NUP210: variants seen among roughly 807,000 people sequenced by gnomAD.
The protein encoded by NUP210 is nucleoporin 210, also known as nuclear pore membrane glycoprotein 210.
A neutral mutation model predicts 196.0 loss-of-function variants in NUP210; 151 were observed. The observed-to-expected ratio is 0.77, with a 90% CI of 0.67 to 0.88. NUP210 has a LOEUF of 0.88. Ranked by LOEUF, NUP210 falls within the 40% of genes least tolerant of loss-of-function variation. NUP210 has a pLI of 0.00. For missense variants in NUP210, 2,314 were observed against 2,493.7 expected (o/e 0.93, Z 1.53); for synonymous variants, 1,070 against 1,052.7 (o/e 1.02, Z -0.32).
intron 1 of NUP210, among the ~76,000 whole-genome samples, chr3:13,405,210 T>C (rs1375478850): frequency 6.6e-6 from 1 of 152,192 alleles, no homozygotes; most frequent in Non-Finnish European, 1.5e-5. Flanking sequence ...CCACCTAATG[T>C]GGGTGGGCCT....
At chr3:13,320,921 G>C (rs958639836) in intron 36 of NUP210, among the ~76,000 whole-genome samples, 1 of 149,984 alleles carries the variant, frequency 6.7e-6, no homozygotes, top group Non-Finnish European at 1.5e-5. Context: ...AAACCAACAT[G>C]AAGTATCACC....
chr3:13,419,980 C>T, intron 1 of NUP210, 80 bp downstream of exon 1: 17 of 980,860 alleles, frequency 1.7e-5, no homozygotes, highest in Non-Finnish European at 2.1e-5. Context: ...CTCTGCCGGC[C>T]TCCCGGCGCC....
rs1319402761 is a variant in NUP210 at position 13,420,131 on chromosome 3, T to C, written c.96A>G (p.Lys32=). ...SAAAAKLNIP[K]VLLPFTRATR... ...TGGCCCGCGTGAAGGGCAGCAGCAC[T>C]TTGGGGATGTTGAGCTTGGCCGCAG... The change falls in exon 1 of 40, where the codon AAA becomes AAG. Residue 32 remains lysine, a synonymous_variant. Coordinates refer to ENST00000254508, the MANE Select transcript of NUP210 (RefSeq NM_024923.4). This position sits in a 1 kb window ranked among gnomAD's most constrained non-coding sequence, Gnocchi z 4.8. The C allele has an allele frequency of 7.4e-7, 1 of 1,348,590 alleles. No homozygotes were observed. Among genetic ancestry groups the C allele is most frequent in the Admixed American group, 2.5e-5 (1 of 39,854 alleles). The allele number at this position is 1,348,590 out of a possible 1,614,324, so 83.5% of individuals were successfully genotyped here. A position where few individuals can be genotyped will look rare whatever the true frequency, so the allele number is the denominator to read the frequency against.
Position 13,399,855 on chromosome 3 carries a change from G to A in NUP210, c.174C>T (p.Ser58=), listed in dbSNP as rs777301920. The A allele has an allele frequency of 1.1e-5, 18 of 1,605,932 alleles. No individual in the cohort carries two copies. The highest frequency in any genetic ancestry group is 1.1e-4 in the South Asian group (10 of 89,642). ...EASEGCYRWL[S]TRPEVASIEP... ...CGATGCTGGCCACCTCCGGCCGGGT[G>A]GACAACCTGCAGTGGAAGAAGACAG... Residue 58 remains serine (S), a synonymous_variant, in exon 2 of 40, where the codon TCC becomes TCT. Transcript: ENST00000254508.
intron 14 of NUP210, 83 bp downstream of exon 14, chr3:13,365,863 G>A: frequency 1.4e-6 from 2 of 1,444,630 alleles, no homozygotes; most frequent in Non-Finnish European, 1.9e-6. Context: ...GGTTTATCAT[G>A]CAAATTCGTC....
chr3:13,358,156 C>A (rs1193656434), intron 16 of NUP210, 66 bp downstream of exon 16: 4 of 1,449,472 alleles, frequency 2.8e-6, no homozygotes, highest in Non-Finnish European at 3.8e-6. Flanking sequence ...ATGGGCGAGG[C>A]CACCAATGTC....
chr3:13,344,964 TG>T, intron 20 of NUP210: 2 of 985,404 alleles, frequency 2.0e-6, no homozygotes, highest in Non-Finnish European at 2.4e-6. Flanking sequence ...TCCCCTCTTC[TG>T]GGGGCTGGTC....
At chr3:13,339,702 G>T in intron 25 of NUP210, 152 bp downstream of exon 25, 1 of 695,138 alleles carries the variant, frequency 1.4e-6, no homozygotes, top group Non-Finnish European at 2.4e-6. Flanking sequence ...TGGCAGGGCT[G>T]TCCTGCACCA....
chr3:13,328,608 T>C (rs1386660471), intron 31 of NUP210, among the ~76,000 whole-genome samples, 163 bp downstream of exon 31: 1 of 152,210 alleles, frequency 6.6e-6, no homozygotes, highest in Non-Finnish European at 1.5e-5. Context: ...GGCAGTGGTG[T>C]TTCCTCGTGG....
In NUP210 at chr3:13,341,794, G is replaced by C. The variant is rs1468225275; in HGVS notation, c.3182C>G (p.Thr1061Ser). The change falls in exon 23 of 40, where the codon ACC becomes AGC. Residue 1061 changes from threonine to serine, a missense_variant. Thr to Ser is a moderately conservative substitution (Grantham distance 58). Coordinates refer to ENST00000254508, the MANE Select transcript of NUP210 (RefSeq NM_024923.4). ...IGQTSLTASV[T>S]NKAGQRINSA... ...GTTGATTCTCTGTCCAGCTTTATTG[G>C]TCACACTTGCAGTTAGACTGGTCTG... 1 of 1,614,202 alleles carries C rather than the reference G, an allele frequency of 6.2e-7. No individual in the cohort carries two copies.
chr3:13,331,400 T>C (rs1315903807), intron 29 of NUP210, among the ~76,000 whole-genome samples: 1 of 152,190 alleles, frequency 6.6e-6, no homozygotes, highest in African/African-American at 2.4e-5. Context: ...GCAAATGTTA[T>C]TGCCTCTGCC....
intron 16 of NUP210, among the ~76,000 whole-genome samples, chr3:13,356,265 C>T (rs1302804011): frequency 1.3e-5 from 2 of 152,242 alleles, no homozygotes; most frequent in Non-Finnish European, 2.9e-5. Flanking sequence ...GCAAACACAT[C>T]TTGGGTAGCC....
chr3:13,400,168 T>G (rs1393243272), intron 1 of NUP210, among the ~76,000 whole-genome samples: 1 of 152,070 alleles, frequency 6.6e-6, no homozygotes, highest in Non-Finnish European at 1.5e-5. Context: ...CGTCCAAGAC[T>G]CCTGCAGATG....
chr3:13,347,034 C>T lies in NUP210; in HGVS notation c.2836-3731G>A. 1.0e-6 allele frequency: 1 copy of T among 985,428 alleles called. No homozygotes were observed. Among genetic ancestry groups the T allele is most frequent in the Non-Finnish European group, 1.2e-6 (1 of 829,932 alleles). The allele number at this position is 985,428 out of a possible 1,614,324, so 61.0% of individuals were successfully genotyped here. A position where few individuals can be genotyped will look rare whatever the true frequency, so the allele number is the denominator to read the frequency against. On this transcript the variant is annotated intron_variant, in intron 20 of 39. Coordinates refer to ENST00000254508, the MANE Select transcript of NUP210 (RefSeq NM_024923.4). The surrounding 1 kb of genome is among the most constrained non-coding windows in gnomAD (Gnocchi z 4.7). ...TCAGGGAAAAGGTGGATGCACCTGA[C>T]TTCAGGCCCTGCAATTGCCACCCAC...
At chr3:13,343,339 T>TGGGGGGGGGGGGGGGGG in intron 20 of NUP210, 36 bp from the exon 21 acceptor site, 2 of 282,508 alleles carry the variant, frequency 7.1e-6, no homozygotes, top group African/African-American at 7.1e-5. Context: ...GGGTGGGTGG[T>TGGGGGGGGGGGGGGGGG]GGGTTACGCA....
At chr3:13,404,621 G>A (rs940068143) in intron 1 of NUP210, among the ~76,000 whole-genome samples, 15 of 152,204 alleles carry the variant, frequency 9.9e-5, no homozygotes, top group African/African-American at 3.6e-4. Context: ...AGGCCACAGA[G>A]GCCAGGCTAG....
At chr3:13,353,870 G>C (rs1698068868) in intron 17 of NUP210, 45 bp downstream of exon 17, 1 of 1,557,586 alleles carries the variant, frequency 6.4e-7, no homozygotes, top group African/African-American at 1.4e-5. Context: ...TTCCTGTCTG[G>C]TCTCTGTTCT....
Position 13,379,551 on chromosome 3 carries a change from A to C in NUP210, c.976+12T>G. 1.2e-6 allele frequency: 2 copies of C among 1,614,178 alleles called. No homozygotes were observed. The highest frequency in any genetic ancestry group is 1.7e-6 in the Non-Finnish European group (2 of 1,180,036). ...CCATGCCTAAGAACACACAAGCCCAAGAAAAGGATATTCCTGTGGCCAAGG... is the reference window on the plus strand; with the variant it reads ...CCATGCCTAAGAACACACAAGCCCACGAAAAGGATATTCCTGTGGCCAAGG... On this transcript the variant is annotated intron_variant, in intron 7 of 39. Transcript: ENST00000254508. This position sits in a 1 kb window ranked among gnomAD's most constrained non-coding sequence, Gnocchi z 4.2.
intron 16 of NUP210, among the ~76,000 whole-genome samples, chr3:13,355,399 T>C (rs1387115794): frequency 6.6e-6 from 1 of 152,164 alleles, no homozygotes; most frequent in Non-Finnish European, 1.5e-5. Context: ...ATGATCAACA[T>C]GGTGGCTGCT....
Sources: allele counts gnomAD v4.1 joint callset (sites outside exome capture counted in the v4.1 genomes callset), GRCh38; gene constraint gnomAD v4.1.1; non-coding constraint Gnocchi (gnomAD v3.1); transcripts MANE v1.5; gene names NCBI Gene and HGNC (gene_info 2026-07-23, HGNC 2026-07-21).